Variants in RFPL2 observed in about 807,000 individuals in gnomAD.
RFPL2 encodes the protein ret finger protein like 2, also known as ret finger protein-like 2.
A neutral mutation model predicts 17.8 loss-of-function variants in RFPL2; 13 were observed. That is an observed-to-expected ratio of 0.73 (90% confidence interval 0.47 to 1.16). The LOEUF (loss-of-function observed/expected upper bound fraction) is 1.16. RFPL2 is among the 50% of genes most tolerant of loss of function. The probability of loss-of-function intolerance (pLI) is 0.00; values close to 1 mark genes in which losing one functional copy is unlikely to be tolerated. For missense variants in RFPL2, 431 were observed against 479.3 expected (o/e 0.90, Z 0.94); for synonymous variants, 189 against 180.9 (o/e 1.04, Z -0.36).
chr22:32,192,544 C>A (rs1012745337), intron 4 of RFPL2, among the ~76,000 whole-genome samples: 2 of 152,158 alleles, frequency 1.3e-5, no homozygotes, highest in African/African-American at 4.8e-5. Flanking sequence ...GAGAGAAATT[C>A]AAATTCAGTT....
intron 3 of RFPL2, 152 bp from the exon 4 acceptor site, chr22:32,193,344 T>A (rs1603202851): frequency 6.4e-7 from 1 of 1,567,628 alleles, no homozygotes; most frequent in East Asian, 2.2e-5. Context: ...CTCAAGCACA[T>A]CCCCCCACCC....
intron 2 of RFPL2, among the ~76,000 whole-genome samples, chr22:32,195,498 C>CA (rs1296347079): frequency 6.6e-6 from 1 of 152,108 alleles, no homozygotes; most frequent in Non-Finnish European, 1.5e-5. Context: ...CTCTGTCAGC[C>CA]AGGCTGGAGT....
rs1342709770 is a variant in RFPL2, at chr22:32,202,442, C to T, written c.10G>A (p.Ala4Thr). The change falls in exon 2 of 5, where the codon GCT (alanine) becomes ACT (threonine). Residue 4 changes from alanine to threonine, a missense_variant. Ala to Thr is a moderately conservative substitution (Grantham distance 58). Coordinates refer to ENST00000652607, the MANE Select transcript of RFPL2 (RefSeq NM_001394555.1). ...GCAGTCTCTGGGAAGCCTAATTCAG[C>T]CACCTCCATCGGAGGCAAATCATGG... MEV[A>T]ELGFPETAVS... The T allele has an allele frequency of 1.9e-6, 3 of 1,592,980 alleles. No individual in the cohort carries two copies. Among genetic ancestry groups the T allele is most frequent in the East Asian group, 2.3e-5 (1 of 44,084 alleles).
At chr22:32,203,977 C>A (rs1603214633) in intron 1 of RFPL2, among the ~76,000 whole-genome samples, 1 of 151,010 alleles carries the variant, frequency 6.6e-6, no homozygotes. Flanking sequence ...GGCAGTGTAG[C>A]TCCCGATAGT....
At chr22:32,197,575 A>T (rs1400625643) in intron 2 of RFPL2, among the ~76,000 whole-genome samples, 1 of 152,062 alleles carries the variant, frequency 6.6e-6, no homozygotes, top group Non-Finnish European at 1.5e-5. Context: ...ATCCCACGAC[A>T]GGCCCTGGTG....
intron 2 of RFPL2, among the ~76,000 whole-genome samples, chr22:32,199,246 C>T (rs1457681258): frequency 6.6e-6 from 1 of 151,994 alleles, no homozygotes; most frequent in Non-Finnish European, 1.5e-5. Flanking sequence ...CAAAGGGTCA[C>T]AGAAGGACAT....
intron 2 of RFPL2, among the ~76,000 whole-genome samples, chr22:32,198,199 G>T (rs1345205662): frequency 6.6e-6 from 1 of 152,130 alleles, no homozygotes. Context: ...CTGTAGTGTA[G>T]AGAATCCCTG....
chr22:32,199,439 G>A (rs2123798755), intron 2 of RFPL2, among the ~76,000 whole-genome samples: 1 of 152,338 alleles, frequency 6.6e-6, no homozygotes, highest in Admixed American at 6.5e-5. Context: ...ACTTGGGTGA[G>A]CAAAGGCCCT....
At chr22:32,193,592 T>G in intron 3 of RFPL2, 1 of 933,550 alleles carries the variant, frequency 1.1e-6, no homozygotes, top group Non-Finnish European at 1.4e-6. Context: ...CCGGGCACGA[T>G]GGCTCATGCC....
intron 1 of RFPL2, 98 bp from the exon 2 acceptor site, chr22:32,202,648 C>A: frequency 7.1e-7 from 1 of 1,403,718 alleles, no homozygotes; most frequent in Non-Finnish European, 9.2e-7. Context: ...CACACCCACA[C>A]TTCAAAGTCC....
At position 32,202,388 on chromosome 22, in the gene RFPL2, C is replaced by A; in HGVS notation, c.64G>T (p.Ala22Ser). The change falls in exon 2 of 5, where the codon GCT (alanine) becomes TCT (serine). Residue 22 changes from alanine to serine, a missense_variant. Transcript: ENST00000652607. The part of the protein sequence containing the change: ...AVSQSRICLC[A>S]VLCGHWDFAD... ...AAGTCCCAGTGGCCACACAATACAGCACATAGACAGATCCTGGATTGGGAC... is the reference window on the plus strand; with the variant it reads ...AAGTCCCAGTGGCCACACAATACAGAACATAGACAGATCCTGGATTGGGAC... 1 of 1,606,520 alleles carries A rather than the reference C, an allele frequency of 6.2e-7. No individual in the cohort carries two copies. The highest frequency in any genetic ancestry group is 8.5e-7 in the Non-Finnish European group (1 of 1,176,614).
At chr22:32,202,823 C>A in intron 1 of RFPL2, 1 of 1,062,284 alleles carries the variant, frequency 9.4e-7, no homozygotes, top group Non-Finnish European at 1.1e-6. Context: ...CAGCCCTCCC[C>A]ACCCAAGTGC....
At position 32,190,625 on chromosome 22, in the gene RFPL2, T is replaced by G. The variant is rs1300985390; in HGVS notation, c.*147A>C. 1 of 783,196 alleles carries G rather than the reference T, an allele frequency of 1.3e-6. No individual in the cohort carries two copies. The highest frequency in any genetic ancestry group is 2.8e-5 in the East Asian group (1 of 36,012). 48.5% of individuals were successfully genotyped at this position (783,196 alleles called of 1,614,324 possible). A position where few individuals can be genotyped will look rare whatever the true frequency, so the allele number is the denominator to read the frequency against. On this transcript the variant is annotated 3_prime_UTR_variant, in exon 5 of 5. Coordinates refer to ENST00000652607, the MANE Select transcript of RFPL2 (RefSeq NM_001394555.1). ...AATTAATACTTAGGACTCTATAATCTAATCAAATTAGATTAAGTACAATCA... is the reference window on the plus strand; with the variant it reads ...AATTAATACTTAGGACTCTATAATCGAATCAAATTAGATTAAGTACAATCA...
chr22:32,194,207 GT>G, intron 3 of RFPL2, 137 bp downstream of exon 3: 1 of 980,304 alleles, frequency 1.0e-6, no homozygotes. Context: ...AGGGTGACTG[GT>G]TTCCAACTCT....
chr22:32,199,616 C>T (rs1476508523), intron 2 of RFPL2, among the ~76,000 whole-genome samples: 1 of 152,234 alleles, frequency 6.6e-6, no homozygotes, highest in Non-Finnish European at 1.5e-5. Context: ...CAGAGCCGGA[C>T]TGCGTCAGGA....
In RFPL2 at chr22:32,191,146, G is replaced by T; in HGVS notation, c.763C>A (p.Leu255Met). 1.2e-6 allele frequency: 2 copies of T among 1,613,924 alleles called. No individual in the cohort carries two copies. The highest frequency in any genetic ancestry group is 1.7e-6 in the Non-Finnish European group (2 of 1,179,872). ...TGAACAGATTCTCTGCAGACTCCCA[G>T]GTCCCATTCTGTGCTTGTTCCCACG... The part of the protein sequence containing the change: ...VDVGTSTEWD[L>M]GVCRESVHRK... Residue 255 changes from leucine to methionine, a missense_variant, in exon 5 of 5, where the codon CTG becomes ATG. By Grantham distance (15) the Leu-to-Met change is conservative. Coordinates refer to ENST00000652607, the MANE Select transcript of RFPL2 (RefSeq NM_001394555.1).
intron 2 of RFPL2, among the ~76,000 whole-genome samples, chr22:32,199,494 A>G (rs1923694669): frequency 6.6e-6 from 1 of 152,176 alleles, no homozygotes; most frequent in Non-Finnish European, 1.5e-5. Flanking sequence ...GGGAGCAAAC[A>G]GAGCTATTAG....
intron 2 of RFPL2, among the ~76,000 whole-genome samples, chr22:32,196,365 T>A (rs1419478219): frequency 6.6e-6 from 1 of 152,238 alleles, no homozygotes; most frequent in Non-Finnish European, 1.5e-5. Context: ...GTATATATAT[T>A]TTTAAAAGAC....
Position 32,195,055 on chromosome 22 carries a change from G to A in RFPL2, c.120-565C>T, listed in dbSNP as rs144346616. ...TGTTTTCAAATAAAAATTGTTACCC[G>A]TGAAGTGAGTTGTGCTTTCTTCCAT... On this transcript the variant is annotated intron_variant, in intron 2 of 4. Transcript: ENST00000652607. 7.5e-3 allele frequency among the ~76,000 whole-genome samples: 1,136 copies of A among 152,192 alleles called. 4 individuals are homozygous for A. Among genetic ancestry groups the A allele is most frequent in the Middle Eastern group, 0.037 (11 of 294 alleles).
Sources: gnomAD v4.1 joint callset for allele counts (sites outside exome capture counted in the v4.1 genomes callset) on GRCh38, gnomAD v4.1.1 for gene constraint, MANE v1.5 for transcripts, NCBI Gene and HGNC (gene_info 2026-07-23, HGNC 2026-07-21) for gene names.